THADA: variants seen among roughly 807,000 people sequenced by gnomAD.
The protein encoded by THADA is THADA armadillo repeat containing, also known as tRNA (32-2'-O)-methyltransferase regulator THADA.
In THADA, 213 loss-of-function variants were observed where a neutral mutation model predicts 219.8. The observed-to-expected ratio is 0.97, with a 90% CI of 0.87 to 1.09. The LOEUF (loss-of-function observed/expected upper bound fraction) is 1.09. Among genes scored for constraint, THADA ranks in the 50% least tolerant of loss-of-function variants. THADA has a pLI of 0.00. For synonymous variants in THADA, 1,018 were observed against 828.9 expected, an observed-to-expected ratio of 1.23 and a Z score of -3.92; for missense variants, 2,956 against 2,311.3, an observed-to-expected ratio of 1.28 and a Z score of -5.72.
intron 31 of THADA, among the ~76,000 whole-genome samples, chr2:43,297,376 T>C (rs200117265): frequency 0.087 from 5,610 of 64,666 alleles, 110 homozygotes; most frequent in African/African-American, 0.18. Flanking sequence ...GGAGCCTCTC[T>C]GCCCGGCAGC....
At chr2:43,366,267 G>A (rs1018053872) in intron 29 of THADA, among the ~76,000 whole-genome samples, 17 of 152,066 alleles carry the variant, frequency 1.1e-4, no homozygotes, top group African/African-American at 3.6e-4. Flanking sequence ...GTAAAATACC[G>A]ACCAATAAAA....
chr2:43,306,010 A>C (rs1019104489), intron 31 of THADA, among the ~76,000 whole-genome samples: 2 of 127,528 alleles, frequency 1.6e-5, no homozygotes, highest in African/African-American at 3.1e-5. Context: ...TTTTTGAGAC[A>C]GGGTCTTACT....
intron 28 of THADA, among the ~76,000 whole-genome samples, chr2:43,415,257 T>C (rs962609870): frequency 2.0e-5 from 3 of 152,186 alleles, no homozygotes; most frequent in Non-Finnish European, 4.4e-5. Context: ...TAGCTCATAA[T>C]GGAGGAGGCA....
At chr2:43,265,142 G>C (rs1013818801) in intron 36 of THADA, among the ~76,000 whole-genome samples, 6 of 152,126 alleles carry the variant, frequency 3.9e-5, no homozygotes, top group African/African-American at 1.4e-4. Context: ...CCTGTGGTTG[G>C]ACCAGTCTCT....
chr2:43,315,373 C>A (rs1205665804), intron 31 of THADA, among the ~76,000 whole-genome samples: 1 of 152,212 alleles, frequency 6.6e-6, no homozygotes, highest in African/African-American at 2.4e-5. Flanking sequence ...CCATTCCCCA[C>A]TCCCTACCTC....
chr2:43,323,104 A>G (rs553630630), intron 30 of THADA, among the ~76,000 whole-genome samples: 3 of 152,290 alleles, frequency 2.0e-5, no homozygotes, highest in African/African-American at 7.2e-5. Context: ...CATTCTATTA[A>G]GAACATAGAG....
At chr2:43,279,288 G>C (rs759199284) in intron 36 of THADA, among the ~76,000 whole-genome samples, 11 of 152,098 alleles carry the variant, frequency 7.2e-5, no homozygotes, top group Admixed American at 1.3e-4. Context: ...GAGCAGCTAG[G>C]ACACAAAGTA....
intron 36 of THADA, among the ~76,000 whole-genome samples, chr2:43,254,288 G>A (rs1198954809): frequency 4.6e-5 from 7 of 152,058 alleles, no homozygotes; most frequent in Non-Finnish European, 7.4e-5. Context: ...TGAGCTGATC[G>A]AAAACAGAAC....
At chr2:43,578,638 T>A in intron 8 of THADA, 31 bp from the exon 9 acceptor site, 1 of 1,490,916 alleles carries the variant, frequency 6.7e-7, no homozygotes. Context: ...GAAGCTTGTG[T>A]TAAATAATGA....
At chr2:43,397,241 T>A (rs1314194386) in intron 29 of THADA, among the ~76,000 whole-genome samples, 1 of 152,156 alleles carries the variant, frequency 6.6e-6, no homozygotes, top group Non-Finnish European at 1.5e-5. Context: ...ACTCTGTTCA[T>A]AAACCAGGAA....
In THADA at chr2:43,498,841, C is replaced by T. The variant is rs761525665; in HGVS notation, c.3736G>A (p.Val1246Ile). ...ATAGTGACAGCACTTACTGCCCAGA[C>T]CGGTGATGTAAAACCCAGAATTGCA... ...KAAILGFTSP[V>I]WAVRNSSTLL... is the part of the protein sequence containing the mutation. The change falls in exon 25 of 38, where the codon GTC (valine) becomes ATC (isoleucine). Residue 1246 changes from valine (V) to isoleucine (I), a missense_variant. Val to Ile is a conservative substitution (Grantham distance 29). Transcript: ENST00000405975. 1 of 1,612,902 alleles carries T rather than the reference C, an allele frequency of 6.2e-7. No individual in the cohort carries two copies. The highest frequency in any genetic ancestry group is 1.3e-5 in the African/African-American group (1 of 74,898).
chr2:43,537,401 C>G (rs1309292961), intron 21 of THADA, among the ~76,000 whole-genome samples: 1 of 152,066 alleles, frequency 6.6e-6, no homozygotes, highest in Non-Finnish European at 1.5e-5. Flanking sequence ...GTAAGGCAGT[C>G]AATAAATAGG....
intron 1 of THADA, among the ~76,000 whole-genome samples, chr2:43,594,917 A>C (rs1377339778): frequency 1.3e-5 from 2 of 152,182 alleles, no homozygotes; most frequent in Non-Finnish European, 2.9e-5. Flanking sequence ...CATTTCCGTT[A>C]ATTTTCTTCA....
chr2:43,296,055 G>A (rs2104384462), intron 31 of THADA, among the ~76,000 whole-genome samples: 1 of 151,670 alleles, frequency 6.6e-6, no homozygotes. Flanking sequence ...GAGTAGCTGG[G>A]ATTACAGGAG....
chr2:43,549,311 T>G lies in THADA; in HGVS notation c.3005A>C (p.Asp1002Ala). ...LNEIQPRDTN[D>A]YFNQAKILKE... ...CAATATTTTGGCTTGGTTAAAATAATCATTAGTATCTCGAGGCTGAATCTC... is the reference window on the plus strand; with the variant it reads ...CAATATTTTGGCTTGGTTAAAATAAGCATTAGTATCTCGAGGCTGAATCTC... The change falls in exon 20 of 38, where the codon GAT (aspartate) becomes GCT (alanine). Residue 1002 changes from aspartate to alanine, a missense_variant. By Grantham distance (126) the Asp-to-Ala change is moderately radical. Transcript: ENST00000405975. The G allele has an allele frequency of 6.2e-7, 1 of 1,601,802 alleles. No individual in the cohort carries two copies. Among genetic ancestry groups the G allele is most frequent in the South Asian group, 1.1e-5 (1 of 88,342 alleles).
intron 20 of THADA, among the ~76,000 whole-genome samples, chr2:43,547,222 A>G (rs1366015976): frequency 3.9e-5 from 6 of 152,196 alleles, no homozygotes; most frequent in African/African-American, 1.2e-4. Flanking sequence ...TGGCTTATAG[A>G]GTTTCTGCCG....
intron 36 of THADA, among the ~76,000 whole-genome samples, chr2:43,273,518 A>C (rs1301838336): frequency 1.3e-5 from 2 of 152,170 alleles, no homozygotes; most frequent in Non-Finnish European, 2.9e-5. Flanking sequence ...GTCGATTAGG[A>C]AAGAGCCTAC....
At chr2:43,359,910 T>C (rs927327259) in intron 29 of THADA, among the ~76,000 whole-genome samples, 16 of 151,910 alleles carry the variant, frequency 1.1e-4, no homozygotes, top group African/African-American at 3.6e-4. Flanking sequence ...AGGCATGTGC[T>C]ACTGGCCCCA....
chr2:43,582,512 T>G (rs1235539913), intron 7 of THADA, among the ~76,000 whole-genome samples: 1 of 135,088 alleles, frequency 7.4e-6, no homozygotes, highest in African/African-American at 2.9e-5. Flanking sequence ...AAAAAAAAAA[T>G]GACATAACTT....
Sources: gnomAD v4.1 joint callset for allele counts (sites outside exome capture counted in the v4.1 genomes callset) on GRCh38, gnomAD v4.1.1 for gene constraint, MANE v1.5 for transcripts, NCBI Gene and HGNC (gene_info 2026-07-23, HGNC 2026-07-21) for gene names.